The following PAQR5 variants were observed in gnomAD, a reference collection of about 807,000 sequenced individuals.
PAQR5 encodes the protein membrane progestin receptor gamma.
In PAQR5, 20 loss-of-function variants were observed where a neutral mutation model predicts 34.5. That is an observed-to-expected ratio of 0.58 (90% CI 0.41 to 0.84). The LOEUF is 0.84. Ranked by LOEUF, PAQR5 falls within the 40% of genes least tolerant of loss-of-function variation. The probability of loss-of-function intolerance (pLI) is 0.00; values close to 1 mark genes in which losing one functional copy is unlikely to be tolerated. For synonymous variants in PAQR5, 131 were observed against 155.6 expected, an observed-to-expected ratio of 0.84 and a Z score of 1.18; for missense variants, 378 against 412.7, an observed-to-expected ratio of 0.92 and a Z score of 0.73.
chr15:69,382,609 C>T (rs9673113), intron 4 of PAQR5, among the ~76,000 whole-genome samples: 3,004 of 137,988 alleles, frequency 0.022, 123 homozygotes, highest in African/African-American at 0.079. Flanking sequence ...CGTGCCACTG[C>T]ACTCCAGCCT....
chr15:69,332,439 G>A (rs982798243), intron 1 of PAQR5, among the ~76,000 whole-genome samples: 1 of 152,118 alleles, frequency 6.6e-6, no homozygotes, highest in African/African-American at 2.4e-5. Context: ...CCAGAGGACA[G>A]GAATTTTGGG....
intron 2 of PAQR5, among the ~76,000 whole-genome samples, chr15:69,353,982 C>T (rs960589789): frequency 1.3e-5 from 2 of 152,112 alleles, no homozygotes; most frequent in African/African-American, 4.8e-5. Flanking sequence ...GAGGAAATTG[C>T]ACTCCTACCC....
At chr15:69,349,079 G>C (rs2054845601) in intron 2 of PAQR5, among the ~76,000 whole-genome samples, 1 of 152,106 alleles carries the variant, frequency 6.6e-6, no homozygotes, top group African/African-American at 2.4e-5. Context: ...GGTGTTTTCA[G>C]GGGAGATTGG....
intron 4 of PAQR5, among the ~76,000 whole-genome samples, chr15:69,383,359 G>GCTCATGGTGGAGGGTGAGTT (rs1248041470): frequency 6.9e-6 from 1 of 145,526 alleles, no homozygotes; most frequent in Non-Finnish European, 1.5e-5. Flanking sequence ...GAGGGTGAGT[G>GCTCATGGTGGAGGGTGAGTT]GGCCTTTGTG....
At chr15:69,344,208 T>C (rs2054710300) in intron 2 of PAQR5, among the ~76,000 whole-genome samples, 1 of 152,238 alleles carries the variant, frequency 6.6e-6, no homozygotes, top group Non-Finnish European at 1.5e-5. Context: ...GTGACGGCTG[T>C]CTTGTGGCAT....
intron 3 of PAQR5, among the ~76,000 whole-genome samples, chr15:69,369,354 G>A (rs946634681): frequency 6.6e-6 from 1 of 152,112 alleles, no homozygotes; most frequent in Non-Finnish European, 1.5e-5. Context: ...TGACCAACAT[G>A]GTGAAACCCT....
chr15:69,361,924 C>A (rs979257386), intron 3 of PAQR5, among the ~76,000 whole-genome samples: 1 of 151,308 alleles, frequency 6.6e-6, no homozygotes, highest in African/African-American at 2.4e-5. Context: ...TGAGCAAAGG[C>A]CTAGAGATGG....
At chr15:69,324,987 C>G (rs2054214231) in intron 1 of PAQR5, among the ~76,000 whole-genome samples, 1 of 151,788 alleles carries the variant, frequency 6.6e-6, no homozygotes, top group Non-Finnish European at 1.5e-5. Context: ...CAATCTCTTC[C>G]TCCCAGGCTC....
At chr15:69,363,903 A>G (rs2055314235) in intron 3 of PAQR5, among the ~76,000 whole-genome samples, 1 of 152,150 alleles carries the variant, frequency 6.6e-6, no homozygotes, top group South Asian at 2.1e-4. Context: ...GGCTACAGGT[A>G]AACACATCCC....
At chr15:69,391,410 G>C (rs1296174973) in intron 6 of PAQR5, 2 of 192,922 alleles carry the variant, frequency 1.0e-5, no homozygotes, top group Non-Finnish European at 2.2e-5. Flanking sequence ...CCTGCGCTAA[G>C]GTGGGTTGGA....
chr15:69,312,928 G>A (rs144907278), intron 1 of PAQR5, among the ~76,000 whole-genome samples: 218 of 152,190 alleles, frequency 1.4e-3, no homozygotes, highest in Non-Finnish European at 2.6e-3. Context: ...TAAATCCATG[G>A]GAAGTTCACG....
In PAQR5 at chr15:69,403,759, AATTT is replaced by A. The variant is rs1238117638; in HGVS notation, c.935_938del (p.Tyr312SerfsTer54). On this transcript the variant is annotated frameshift_variant, in exon 9 of 9. Coordinates refer to ENST00000395407, the MANE Select transcript of PAQR5 (RefSeq NM_017705.4). LOFTEE classifies it high-confidence loss of function. Reference sequence around the variant, plus strand: ...GCATCATCTTCAGCCTCAGCAACATAATTTATTTCTCAGCTGCTCTGTATCGGAT... The same window carrying A: ...GCATCATCTTCAGCCTCAGCAACATAATTTCTCAGCTGCTCTGTATCGGAT... 1.9e-6 allele frequency: 3 copies of A among 1,614,088 alleles called. No homozygotes were observed. In the Admixed American group the frequency reaches 5.0e-5, roughly 27 times the overall value.
chr15:69,313,725 C>G (rs1460118244), intron 1 of PAQR5, among the ~76,000 whole-genome samples: 1 of 152,102 alleles, frequency 6.6e-6, no homozygotes, highest in East Asian at 1.9e-4. Context: ...TGAGTGTCAG[C>G]CCTTCAGGGT....
chr15:69,315,967 G>A (rs2140566419), intron 1 of PAQR5, among the ~76,000 whole-genome samples: 1 of 152,298 alleles, frequency 6.6e-6, no homozygotes, highest in East Asian at 1.9e-4. Flanking sequence ...GTGGTCCTGG[G>A]CAGTGAAGCC....
intron 1 of PAQR5, among the ~76,000 whole-genome samples, chr15:69,324,066 G>A (rs563590724): frequency 6.9e-6 from 1 of 145,804 alleles, no homozygotes; most frequent in South Asian, 2.2e-4. Flanking sequence ...ATATCATTCA[G>A]CTTTTTCAGA....
chr15:69,342,027 G>A (rs957940578), intron 2 of PAQR5, among the ~76,000 whole-genome samples: 1 of 151,472 alleles, frequency 6.6e-6, no homozygotes, highest in Non-Finnish European at 1.5e-5. Flanking sequence ...TTAACTTTTT[G>A]AGAAACTGTC....
chr15:69,302,497 C>A (rs972242692), intron 1 of PAQR5, among the ~76,000 whole-genome samples: 1 of 152,128 alleles, frequency 6.6e-6, no homozygotes, highest in African/African-American at 2.4e-5. Context: ...TTGGAGGTGG[C>A]CAGTGTCTTG....
chr15:69,379,727 C>A (rs942921110), intron 3 of PAQR5, 156 bp from the exon 4 acceptor site: 3 of 746,904 alleles, frequency 4.0e-6, no homozygotes, highest in Non-Finnish European at 4.9e-6. Context: ...GAAGCTACTG[C>A]GAGGGAAGGA....
In PAQR5 at chr15:69,396,809, CCT is replaced by C. The variant is rs1448702652; in HGVS notation, c.513-654_513-653del. On this transcript the variant is annotated intron_variant, in intron 6 of 8. Transcript: ENST00000395407. ...GTCATGTTCTGTCTGGGGGGACCTG[CCT>C]CTCTTCTCAACAATCAGCATCACTT... 1.9e-5 allele frequency: 5 copies of C among 269,320 alleles called. No homozygotes were observed. The East Asian group carries it at 5.4e-4, about 29-fold the overall frequency. 16.7% of individuals were successfully genotyped at this position (269,320 alleles called of 1,614,324 possible). A position where few individuals can be genotyped will look rare whatever the true frequency, so the allele number is the denominator to read the frequency against.
Sources: gnomAD v4.1 joint callset for allele counts (sites outside exome capture counted in the v4.1 genomes callset) on GRCh38, gnomAD v4.1.1 for gene constraint, MANE v1.5 for transcripts, NCBI Gene and HGNC (gene_info 2026-07-23, HGNC 2026-07-21) for gene names.